NEK11: variants seen among roughly 807,000 people sequenced by gnomAD.
NEK11 encodes serine/threonine-protein kinase Nek11.
Under a neutral mutation model 80.7 loss-of-function variants are expected in NEK11, and 72 were observed. The ratio of observed to expected loss-of-function variants is 0.89; its 90% CI spans 0.74 to 1.08. NEK11 has a LOEUF of 1.08. Among genes scored for constraint, NEK11 ranks in the 50% least tolerant of loss-of-function variants. The pLI is 0.00. For missense variants in NEK11, 764 were observed against 763.6 expected, an observed-to-expected ratio of 1.00 and a Z score of -0.01; for synonymous variants, 251 against 260.7, an observed-to-expected ratio of 0.96 and a Z score of 0.36.
chr3:131,074,499 A>G (rs895490227), intron 3 of NEK11, among the ~76,000 whole-genome samples: 1 of 152,136 alleles, frequency 6.6e-6, no homozygotes, highest in Non-Finnish European at 1.5e-5. Flanking sequence ...CTCTAAGGAA[A>G]TATACAGCAT....
At chr3:131,044,978 C>T (rs2067163899) in intron 3 of NEK11, among the ~76,000 whole-genome samples, 1 of 152,162 alleles carries the variant, frequency 6.6e-6, no homozygotes, top group Admixed American at 6.5e-5. Flanking sequence ...TCACTCAAAA[C>T]TGCCCAATTA....
At chr3:131,243,689 G>A (rs897053747) in intron 16 of NEK11, among the ~76,000 whole-genome samples, 193 bp downstream of exon 16, 2 of 152,108 alleles carry the variant, frequency 1.3e-5, no homozygotes, top group African/African-American at 2.4e-5. Context: ...ATTATTGTAA[G>A]TAACTCTTAG....
intron 3 of NEK11, among the ~76,000 whole-genome samples, chr3:131,061,332 T>G (rs2070822294): frequency 6.6e-6 from 1 of 152,138 alleles, no homozygotes; most frequent in Admixed American, 6.5e-5. Context: ...TCAAGTTGAG[T>G]TTAGCTGGCC....
chr3:131,257,210 G>A (rs1392099806), intron 16 of NEK11, among the ~76,000 whole-genome samples: 16 of 150,710 alleles, frequency 1.1e-4, no homozygotes, highest in Admixed American at 9.9e-4. Flanking sequence ...TGCTCAGGCT[G>A]GTCTTGAACC....
chr3:131,034,769 G>A (rs948529699), intron 3 of NEK11, among the ~76,000 whole-genome samples: 2 of 152,178 alleles, frequency 1.3e-5, no homozygotes, highest in African/African-American at 2.4e-5. Flanking sequence ...TAGCCTTCAG[G>A]TGCTTCCAGT....
At chr3:131,069,590 A>G (rs1422987629) in intron 3 of NEK11, among the ~76,000 whole-genome samples, 1 of 151,998 alleles carries the variant, frequency 6.6e-6, no homozygotes, top group African/African-American at 2.4e-5. Context: ...ATGTCCAACA[A>G]TGATAGACTG....
chr3:131,068,703 T>G (rs568318569), intron 3 of NEK11, among the ~76,000 whole-genome samples: 3 of 152,310 alleles, frequency 2.0e-5, no homozygotes, highest in African/African-American at 4.8e-5. Context: ...AATCAATGAC[T>G]AAATCCATAA....
intron 17 of NEK11, chr3:131,327,522 G>T (rs1332635467): frequency 6.6e-6 from 1 of 152,182 alleles, no homozygotes; most frequent in Non-Finnish European, 1.5e-5. Flanking sequence ...GTGCAAACTT[G>T]TTCTTCCAGG....
chr3:131,064,888 G>T (rs765760729), intron 3 of NEK11, among the ~76,000 whole-genome samples: 1 of 152,036 alleles, frequency 6.6e-6, no homozygotes, highest in Non-Finnish European at 1.5e-5. Flanking sequence ...TTTTTATAGA[G>T]TAGAGAAGAC....
chr3:131,052,768 C>T (rs753949330), intron 3 of NEK11, among the ~76,000 whole-genome samples: 1 of 152,108 alleles, frequency 6.6e-6, no homozygotes. Flanking sequence ...GCCCAGTACC[C>T]TCTGACCTAA....
chr3:131,033,632 C>T (rs1005491139), intron 3 of NEK11, among the ~76,000 whole-genome samples: 13 of 152,160 alleles, frequency 8.5e-5, no homozygotes, highest in African/African-American at 2.4e-4. Context: ...TTAACTTTTC[C>T]GTCAAAGTAT....
intron 17 of NEK11, chr3:131,328,746 T>G (rs2109978438): frequency 6.6e-6 from 1 of 152,216 alleles, no homozygotes; most frequent in African/African-American, 2.4e-5. Context: ...TTTCTAGGAG[T>G]GGGGGAACAT....
chr3:131,132,642 T>C, intron 5 of NEK11, 103 bp from the exon 6 acceptor site: 4 of 626,670 alleles, frequency 6.4e-6, no homozygotes, highest in Non-Finnish European at 8.4e-6. Flanking sequence ...TATGGGAGTA[T>C]ATATTTATGT....
chr3:131,086,200 T>C (rs2075963568), intron 4 of NEK11, among the ~76,000 whole-genome samples: 1 of 152,214 alleles, frequency 6.6e-6, no homozygotes, highest in African/African-American at 2.4e-5. Flanking sequence ...CCCTTTGAAA[T>C]TGATAAATAT....
intron 14 of NEK11, among the ~76,000 whole-genome samples, chr3:131,173,281 G>A (rs2092801181): frequency 6.6e-6 from 1 of 152,086 alleles, no homozygotes; most frequent in Non-Finnish European, 1.5e-5. Context: ...CTCTCTTGGG[G>A]TCTGGATCGG....
intron 14 of NEK11, among the ~76,000 whole-genome samples, chr3:131,189,218 G>A (rs993645715): frequency 3.3e-5 from 5 of 152,122 alleles, no homozygotes; most frequent in African/African-American, 1.2e-4. Flanking sequence ...CTCCAGAATT[G>A]TGAGAGAATA....
intron 14 of NEK11, among the ~76,000 whole-genome samples, chr3:131,219,233 A>G (rs1238729657): frequency 1.3e-5 from 2 of 152,162 alleles, no homozygotes; most frequent in Non-Finnish European, 2.9e-5. Context: ...ATGAGTTCAC[A>G]TCCTTTGCAG....
intron 16 of NEK11, among the ~76,000 whole-genome samples, chr3:131,262,984 G>GA (rs1367612690): frequency 6.6e-6 from 1 of 152,100 alleles, no homozygotes; most frequent in Non-Finnish European, 1.5e-5. Flanking sequence ...CCCTGCAGAG[G>GA]AAATGAACTC....
At chr3:131,082,133 T>A (rs143240553) in intron 4 of NEK11, among the ~76,000 whole-genome samples, 25 of 152,278 alleles carry the variant, frequency 1.6e-4, no homozygotes, top group African/African-American at 6.0e-4. Flanking sequence ...TTGTCCATCA[T>A]CCAGTGGATT....
Sources: allele counts gnomAD v4.1 joint callset (sites outside exome capture counted in the v4.1 genomes callset), GRCh38; gene constraint gnomAD v4.1.1; transcripts MANE v1.5; gene names NCBI Gene and HGNC (gene_info 2026-07-23, HGNC 2026-07-21).